The following MGMT variants were observed in gnomAD, a reference collection of about 807,000 sequenced individuals.
MGMT encodes methylated-DNA--protein-cysteine methyltransferase.
Under a neutral mutation model 15.9 loss-of-function variants are expected in MGMT, and 14 were observed. The ratio of observed to expected loss-of-function variants is 0.88; its 90% confidence interval spans 0.58 to 1.37. The LOEUF (loss-of-function observed/expected upper bound fraction) is 1.37, where lower values mean the gene tolerates loss of function less well. Among genes scored for constraint, MGMT ranks in the 40% most tolerant of loss-of-function variants. The pLI is 0.00. For missense variants in MGMT, 282 were observed against 268.1 expected, an observed-to-expected ratio of 1.05 and a Z score of -0.36; for synonymous variants, 130 against 118.2, an observed-to-expected ratio of 1.10 and a Z score of -0.65.
At chr10:129,649,300 A>G (rs943510249) in intron 2 of MGMT, among the ~76,000 whole-genome samples, 2 of 152,080 alleles carry the variant, frequency 1.3e-5, no homozygotes, top group Non-Finnish European at 2.9e-5. Context: ...TAGCTGGACC[A>G]CTTTTTGTGA....
chr10:129,510,721 C>A (rs370545231), intron 1 of MGMT, among the ~76,000 whole-genome samples: 1 of 152,140 alleles, frequency 6.6e-6, no homozygotes, highest in East Asian at 1.9e-4. Context: ...TAAATGAAAC[C>A]AGTATACCAG....
At chr10:129,725,045 G>T (rs913326850) in intron 3 of MGMT, among the ~76,000 whole-genome samples, 16 of 152,230 alleles carry the variant, frequency 1.1e-4, no homozygotes, top group African/African-American at 3.9e-4. Flanking sequence ...GGATCGGGTG[G>T]ATACACTGAC....
chr10:129,578,641 CCTG>C (rs1846516602), intron 2 of MGMT, among the ~76,000 whole-genome samples: 1 of 152,124 alleles, frequency 6.6e-6, no homozygotes, highest in Non-Finnish European at 1.5e-5. Context: ...ATGTAAGAAA[CCTG>C]CACGTTGTGC....
At chr10:129,626,648 T>G (rs986354349) in intron 2 of MGMT, among the ~76,000 whole-genome samples, 4 of 152,156 alleles carry the variant, frequency 2.6e-5, no homozygotes, top group Admixed American at 1.3e-4. Flanking sequence ...GTGCTCTCCG[T>G]GGAAATCTAT....
At chr10:129,502,080 C>T (rs983122828) in intron 1 of MGMT, among the ~76,000 whole-genome samples, 15 of 152,196 alleles carry the variant, frequency 9.9e-5, no homozygotes, top group East Asian at 3.8e-4. Flanking sequence ...AGCCCAGACC[C>T]GTAGTGGGTT....
Position 129,658,361 on chromosome 10 carries a change from A to T in MGMT, c.126-49534A>T, listed in dbSNP as rs180981416. 2.3e-4 allele frequency among the ~76,000 whole-genome samples: 35 copies of T among 152,294 alleles called. 1 individual carries two copies. Among genetic ancestry groups the T allele is most frequent in the Admixed American group, 2.3e-3 (35 of 15,306 alleles). On this transcript the variant is annotated intron_variant, in intron 2 of 4. Transcript: ENST00000651593. ...GGATTTGCTACTCTATTTGTTTTATAAAATATGCATTGAGAGCAACACCAA... is the reference window on the plus strand; with the variant it reads ...GGATTTGCTACTCTATTTGTTTTATTAAATATGCATTGAGAGCAACACCAA...
At chr10:129,636,788 A>G (rs1589907098) in intron 2 of MGMT, among the ~76,000 whole-genome samples, 1 of 152,248 alleles carries the variant, frequency 6.6e-6, no homozygotes. Flanking sequence ...GTATGTGAAC[A>G]TAAATTATAT....
rs557236363 is a variant in MGMT, at chr10:129,606,901, T to C, written c.125+70524T>C. Among the ~76,000 whole-genome samples the C allele has an allele frequency of 3.3e-5, 5 of 152,382 alleles. No individual in the cohort carries two copies. In the South Asian group the frequency reaches 1.0e-3, roughly 32 times the overall value. On this transcript the variant is annotated intron_variant, in intron 2 of 4. Transcript: ENST00000651593. The stretch of plus-strand genomic sequence containing the variant: ...TAATGTTTGATAAGCAATGCATTTT[T>C]GTAGGAATAATCTATAACAGTATTT...
chr10:129,574,713 G>A (rs1405734537), intron 2 of MGMT, among the ~76,000 whole-genome samples: 1 of 152,156 alleles, frequency 6.6e-6, no homozygotes, highest in African/African-American at 2.4e-5. Context: ...CTTGATCAGG[G>A]TTAAATACTC....
At chr10:129,676,323 C>T (rs896537395) in intron 2 of MGMT, among the ~76,000 whole-genome samples, 7 of 152,180 alleles carry the variant, frequency 4.6e-5, no homozygotes, top group Non-Finnish European at 5.9e-5. Context: ...TCGGTGTGGG[C>T]GGCACCCACC....
intron 2 of MGMT, among the ~76,000 whole-genome samples, chr10:129,673,533 T>A (rs1327142974): frequency 6.6e-6 from 1 of 152,086 alleles, no homozygotes; most frequent in Non-Finnish European, 1.5e-5. Context: ...GAAGCTGAGC[T>A]CCAGTTCTGC....
chr10:129,742,820 T>C (rs1297143499), intron 3 of MGMT, among the ~76,000 whole-genome samples: 227 of 88,772 alleles, frequency 2.6e-3, no homozygotes, highest in African/African-American at 2.9e-3. Context: ...AGAGCCAGGT[T>C]CTCAGGGCCG....
chr10:129,594,501 A>G (rs917005255), intron 2 of MGMT, among the ~76,000 whole-genome samples: 1 of 152,232 alleles, frequency 6.6e-6, no homozygotes, highest in African/African-American at 2.4e-5. Flanking sequence ...GGGTACTGCT[A>G]TGAGAAGCTG....
chr10:129,530,894 A>C (rs1845923914), intron 1 of MGMT, among the ~76,000 whole-genome samples: 1 of 151,990 alleles, frequency 6.6e-6, no homozygotes, highest in Non-Finnish European at 1.5e-5. Flanking sequence ...TGTAGGTGTC[A>C]GTTTCTCCAT....
chr10:129,655,074 A>C (rs1031221817), intron 2 of MGMT, among the ~76,000 whole-genome samples: 1 of 152,216 alleles, frequency 6.6e-6, no homozygotes, highest in African/African-American at 2.4e-5. Context: ...GTGTCAGCAC[A>C]CTACCGAGGT....
chr10:129,706,785 C>A (rs1354124641), intron 2 of MGMT, among the ~76,000 whole-genome samples: 1 of 152,146 alleles, frequency 6.6e-6, no homozygotes, highest in African/African-American at 2.4e-5. Flanking sequence ...GTCCTCAGTC[C>A]GTGGAACACA....
intron 1 of MGMT, among the ~76,000 whole-genome samples, chr10:129,490,155 G>A (rs758432784): frequency 1.3e-4 from 19 of 151,588 alleles, no homozygotes; most frequent in Middle Eastern, 3.2e-3. Context: ...ACAAAAAATT[G>A]TCAGAAACTA....
At chr10:129,609,349 A>T (rs969090414) in intron 2 of MGMT, among the ~76,000 whole-genome samples, 2 of 146,048 alleles carry the variant, frequency 1.4e-5, no homozygotes, top group Admixed American at 6.8e-5. Context: ...CATCCGGATG[A>T]TGGAGGTGGA....
intron 2 of MGMT, among the ~76,000 whole-genome samples, chr10:129,589,640 C>T (rs993135655): frequency 1.3e-5 from 2 of 152,230 alleles, no homozygotes; most frequent in African/African-American, 4.8e-5. Flanking sequence ...GGCAGCACCA[C>T]CTGCAATAGT....
Sources: gnomAD v4.1 joint callset for allele counts (sites outside exome capture counted in the v4.1 genomes callset) on GRCh38, gnomAD v4.1.1 for gene constraint, MANE v1.5 for transcripts, NCBI Gene and HGNC (gene_info 2026-07-23, HGNC 2026-07-21) for gene names.